SLC4A9: variants seen among roughly 807,000 people sequenced by gnomAD.
The protein encoded by SLC4A9 is anion exchange protein 4.
A neutral mutation model predicts 103.2 loss-of-function variants in SLC4A9; 102 were observed. The observed-to-expected ratio is 0.99, with a 90% CI of 0.84 to 1.17. SLC4A9 has a LOEUF of 1.17. SLC4A9 is among the 50% of genes most tolerant of loss of function. The pLI, the probability that SLC4A9 is intolerant of heterozygous loss-of-function variation, is 0.00. For missense variants in SLC4A9, 1,091 were observed against 1,193.7 expected (o/e 0.91, Z 1.27); for synonymous variants, 453 against 483.6 (o/e 0.94, Z 0.83).
Position 140,363,759 on chromosome 5 carries a change from AG to A in SLC4A9, c.1113del (p.Lys372ArgfsTer65), listed in dbSNP as rs769677473. ...LFGGLIQDVR[R>X]KVPWYPSDFL... ...TGGGGGCCTTATCCAGGACGTGCGC[AG>A]GAAGGTCCCGTGGTACCCCAGCGAT... On this transcript the variant is annotated frameshift_variant, in exon 9 of 22. Transcript: ENST00000506757. LOFTEE classifies it high-confidence loss of function. The surrounding 1 kb of genome is among the most constrained non-coding windows in gnomAD (Gnocchi z 4.5). 6.2e-7 allele frequency: 1 copy of A among 1,613,906 alleles called. No homozygotes were observed. The highest frequency in any genetic ancestry group is 1.1e-5 in the South Asian group (1 of 91,086).
chr5:140,369,285 A>C (rs1455875076), intron 17 of SLC4A9, among the ~76,000 whole-genome samples: 1 of 151,916 alleles, frequency 6.6e-6, no homozygotes, highest in Non-Finnish European at 1.5e-5. Context: ...TGTCTCAAAA[A>C]AAAAAAACAA....
Position 140,363,908 on chromosome 5 carries a change from TAGGGCCC to T in SLC4A9, c.1254+11_1254+17del, listed in dbSNP as rs762961583. On this transcript the variant is annotated splice_region_variant and intron_variant, in intron 9 of 21. Coordinates refer to ENST00000506757, the MANE Select transcript of SLC4A9 (RefSeq NM_031467.3). The surrounding 1 kb of genome is among the most constrained non-coding windows in gnomAD (Gnocchi z 4.5). ...ATGCCACTGATGGTGCCCAGGTGGG[TAGGGCCC>T]AGGGGGCAGGCACAAGCGTTGGTGT... 1 of 1,613,232 alleles carries T rather than the reference TAGGGCCC, an allele frequency of 6.2e-7. No homozygotes were observed. The highest frequency in any genetic ancestry group is 1.1e-5 in the South Asian group (1 of 91,080).
rs1271532154 is a variant in SLC4A9, at chr5:140,364,198, T to A, written c.1388+11T>A. ...CTTCTCTTTCAGCAGGTAGGAGAGC[T>A]CCCCCCATCACCGGACCCTCACTAG... On this transcript the variant is annotated intron_variant, in intron 10 of 21. Transcript: ENST00000506757. The A allele has an allele frequency of 1.9e-6, 3 of 1,562,652 alleles. No homozygotes were observed. Among genetic ancestry groups the A allele is most frequent in the Non-Finnish European group, 1.7e-6 (2 of 1,153,546 alleles).
chr5:140,374,531 C>T (rs920751552), intron 21 of SLC4A9, among the ~76,000 whole-genome samples: 3 of 94,370 alleles, frequency 3.2e-5, no homozygotes, highest in Non-Finnish European at 5.7e-5. Context: ...GCCTGGGCGA[C>T]AAGAGCAAAA....
Position 140,366,267 on chromosome 5 carries a change from G to T in SLC4A9, c.2013+3G>T. On this transcript the variant is annotated splice_donor_region_variant and intron_variant, in intron 14 of 21. Coordinates refer to ENST00000506757, the MANE Select transcript of SLC4A9 (RefSeq NM_031467.3). Reference sequence around the variant, plus strand: ...TCATGGTACCCAGAGAGTTCAAGGTGAGAGCCAGGGAAGAGGGTTGGGGGA... The same window carrying T: ...TCATGGTACCCAGAGAGTTCAAGGTTAGAGCCAGGGAAGAGGGTTGGGGGA... 6.3e-7 allele frequency: 1 copy of T among 1,577,662 alleles called. No homozygotes were observed. The highest frequency in any genetic ancestry group is 1.2e-5 in the South Asian group (1 of 86,786).
In SLC4A9 at chr5:140,363,533, C is replaced by T. The variant is rs776528817; in HGVS notation, c.1057C>T (p.Pro353Ser). The change falls in exon 8 of 22, where the codon CCG (proline) becomes TCG (serine). Residue 353 changes from proline to serine, a missense_variant. Transcript: ENST00000506757. The surrounding 1 kb of genome is among the most constrained non-coding windows in gnomAD (Gnocchi z 4.5). ...RHRHGPHAHS[P>S]ELQRTGRLFG... is the part of the protein sequence containing the mutation. ...CCGCCATGGGCCACACGCACACAGC[C>T]CGGAGTTGCAGCGGACCGGCAGGTG... is the stretch of plus-strand genomic sequence containing the variant. The T allele has an allele frequency of 2.6e-6, 4 of 1,553,112 alleles. No homozygotes were observed. Among genetic ancestry groups the T allele is most frequent in the Non-Finnish European group, 3.5e-6 (4 of 1,148,050 alleles).
At chr5:140,370,406 A>G (rs948773625) in intron 17 of SLC4A9, among the ~76,000 whole-genome samples, 7 of 151,594 alleles carry the variant, frequency 4.6e-5, no homozygotes, top group Non-Finnish European at 1.0e-4. Flanking sequence ...TGGAGGTTGC[A>G]GTGAGCCGAG....
rs773623912 is a variant in SLC4A9 at position 140,364,350 on chromosome 5, C to G, written c.1389-13C>G. On this transcript the variant is annotated splice_polypyrimidine_tract_variant and intron_variant, in intron 10 of 21. Transcript: ENST00000506757. ...CCCTGCTAAGCCAGCCTTCCTGTCT[C>G]TCATCCCCACAGAGATTACAGCCTG... 2.5e-6 allele frequency: 4 copies of G among 1,611,772 alleles called. No homozygotes were observed. In the African/African-American group the frequency reaches 5.3e-5, roughly 22 times the overall value.
At chr5:140,372,714 C>G (rs774313271) in intron 20 of SLC4A9, 31 bp from the exon 21 acceptor site, 74 of 1,529,910 alleles carry the variant, frequency 4.8e-5, no homozygotes, top group Non-Finnish European at 6.2e-5. Flanking sequence ...TCTATCTATT[C>G]TCAATCCATC....
rs761242730 is a variant in SLC4A9 at position 140,371,147 on chromosome 5, C to T, written c.2480C>T (p.Ala827Val). The T allele has an allele frequency of 1.2e-5, 20 of 1,611,028 alleles. No individual in the cohort carries two copies. The highest frequency in any genetic ancestry group is 1.1e-4 in the East Asian group (5 of 44,856). ...YGIFLYMGVA[A>V]LSSIQFTNRV... ...ATCTTCCTGTATATGGGGGTGGCAGCGCTCAGCAGCATTCAGGTGAGCCCA... is the reference window on the plus strand; with the variant it reads ...ATCTTCCTGTATATGGGGGTGGCAGTGCTCAGCAGCATTCAGGTGAGCCCA... The change falls in exon 18 of 22, where the codon GCG becomes GTG. Residue 827 changes from alanine (A) to valine (V), a missense_variant. Transcript: ENST00000506757.
intron 6 of SLC4A9, 97 bp from the exon 7 acceptor site, chr5:140,362,815 G>T (rs1581134786): frequency 6.8e-7 from 1 of 1,464,442 alleles, no homozygotes; most frequent in East Asian, 2.3e-5. Flanking sequence ...TGACTTGTCT[G>T]CCTCTGTGAC....
chr5:140,367,615 G>T, intron 15 of SLC4A9, 34 bp downstream of exon 15: 1 of 1,599,358 alleles, frequency 6.3e-7, no homozygotes, highest in Non-Finnish European at 8.5e-7. Context: ...AAGACCAAGG[G>T]ACAGAAGCTC....
intron 14 of SLC4A9, 30 bp downstream of exon 14, chr5:140,366,294 C>T: frequency 6.6e-7 from 1 of 1,506,084 alleles, no homozygotes; most frequent in Non-Finnish European, 9.0e-7. Context: ...GTTGGGGGAC[C>T]AGAGGGGAAA....
intron 14 of SLC4A9, among the ~76,000 whole-genome samples, 182 bp downstream of exon 14, chr5:140,366,446 C>T (rs1269650109): frequency 6.6e-6 from 1 of 152,158 alleles, no homozygotes; most frequent in Non-Finnish European, 1.5e-5. Flanking sequence ...CTGCAGCAGA[C>T]ACGTGAGTAC....
chr5:140,372,449 C>T (rs947869503), intron 20 of SLC4A9, 52 bp downstream of exon 20: 57 of 1,585,714 alleles, frequency 3.6e-5, no homozygotes, highest in Non-Finnish European at 3.9e-5. Context: ...TTTGGGAGAG[C>T]GTTCTTGTCC....
In SLC4A9 at chr5:140,375,105, G is replaced by C. The variant is rs1769296377; in HGVS notation, c.*324G>C. On this transcript the variant is annotated 3_prime_UTR_variant, in exon 22 of 22. Coordinates refer to ENST00000506757, the MANE Select transcript of SLC4A9 (RefSeq NM_031467.3). Reference sequence around the variant, plus strand: ...TCTTTTCATCTTGCAAAGAGAAAAAGCCAGTCTTTCCAGAATAAATATTCA... The same window carrying C: ...TCTTTTCATCTTGCAAAGAGAAAAACCCAGTCTTTCCAGAATAAATATTCA... 1 of 152,072 alleles carries C rather than the reference G, an allele frequency of 6.6e-6. No individual in the cohort carries two copies. Among genetic ancestry groups the C allele is most frequent in the South Asian group, 2.1e-4 (1 of 4,828 alleles). 9.4% of individuals were successfully genotyped at this position (152,072 alleles called of 1,614,324 possible).
rs1458005246 is a variant in SLC4A9, at chr5:140,371,166, G to C, written c.2496+3G>C. The C allele has an allele frequency of 6.2e-7, 1 of 1,609,134 alleles. No homozygotes were observed. ...TGGCAGCGCTCAGCAGCATTCAGGT[G>C]AGCCCATTAAAATCACCTAACAAAA... is the stretch of plus-strand genomic sequence containing the variant. On this transcript the variant is annotated splice_donor_region_variant and intron_variant, in intron 18 of 21. Transcript: ENST00000506757.
At position 140,360,336 on chromosome 5, in the gene SLC4A9, G is replaced by A. The variant is rs753835738; in HGVS notation, c.100G>A (p.Gly34Ser). ...GGACAGCAACCCTGACCCTGGCACC[G>A]GCCCCAGCCCTGATGGCCCCTCAGA... ...ELDSNPDPGTGPSPDGPSDTE... is the reference protein window; with the variant it reads ...ELDSNPDPGTSPSPDGPSDTE... Residue 34 changes from glycine (G) to serine (S), a missense_variant, in exon 1 of 22, where the codon GGC becomes AGC. Physicochemically the swap from Gly to Ser is moderately conservative, Grantham distance 56. Coordinates refer to ENST00000506757, the MANE Select transcript of SLC4A9 (RefSeq NM_031467.3). 31 of 1,611,762 alleles carry A rather than the reference G, an allele frequency of 1.9e-5. No individual in the cohort carries two copies. The highest frequency in any genetic ancestry group is 1.7e-4 in the Middle Eastern group (1 of 6,058).
chr5:140,372,826 C>T lies in SLC4A9; in HGVS notation c.*28C>T. The T allele has an allele frequency of 1.3e-6, 2 of 1,535,936 alleles. No individual in the cohort carries two copies. The highest frequency in any genetic ancestry group is 1.8e-6 in the Non-Finnish European group (2 of 1,138,244). ...GGAGTAGGAGTCTGGGAGTGGAGACCCCAGGAAACAGCATGAGGTGAGGGT... is the reference window on the plus strand; with the variant it reads ...GGAGTAGGAGTCTGGGAGTGGAGACTCCAGGAAACAGCATGAGGTGAGGGT... On this transcript the variant is annotated 3_prime_UTR_variant, in exon 21 of 22. Transcript: ENST00000506757.
Sources: gnomAD v4.1 joint callset for allele counts (sites outside exome capture counted in the v4.1 genomes callset) on GRCh38, gnomAD v4.1.1 for gene constraint, Gnocchi (gnomAD v3.1) non-coding constraint, MANE v1.5 for transcripts, NCBI Gene and HGNC (gene_info 2026-07-23, HGNC 2026-07-21) for gene names.